ZNF227: variants seen among roughly 807,000 people sequenced by gnomAD.
ZNF227 encodes the protein zinc finger protein 227.
A neutral mutation model predicts 13.2 loss-of-function variants in ZNF227; 12 were observed. The observed-to-expected ratio is 0.91, with a 90% CI of 0.58 to 1.47. The LOEUF (loss-of-function observed/expected upper bound fraction) is 1.47. Among genes scored for constraint, ZNF227 ranks in the 40% most tolerant of loss-of-function variants. The pLI is 0.00. For synonymous variants in ZNF227, 338 were observed against 326.0 expected (o/e 1.04, Z -0.40); for missense variants, 885 against 967.5 (o/e 0.91, Z 1.13).
At chr19:44,228,348 T>C (rs1016937201) in intron 3 of ZNF227, 98 bp from the exon 4 acceptor site, 8 of 1,423,442 alleles carry the variant, frequency 5.6e-6, no homozygotes, top group Middle Eastern at 2.5e-4. Context: ...TTGGAATCTA[T>C]AACAACTTTT....
chr19:44,227,008 T>C (rs940878412), intron 3 of ZNF227: 4 of 152,140 alleles, frequency 2.6e-5, no homozygotes, highest in African/African-American at 7.2e-5. Flanking sequence ...CTTTGTAGTA[T>C]TGGTTATAAG....
chr19:44,230,926 A>AATATATATATAT (rs58952117), intron 5 of ZNF227, among the ~76,000 whole-genome samples: 34 of 68,088 alleles, frequency 5.0e-4, no homozygotes, highest in African/African-American at 3.2e-3. Flanking sequence ...AAAAAAAAAA[A>AATATATATATAT]ATATATATAT....
rs760225822 is a variant in ZNF227, at chr19:44,236,338, C to T, written c.1908C>T (p.Val636=). Residue 636 remains valine (V), a synonymous_variant, in exon 6 of 6, where the codon GTC becomes GTT. Transcript: ENST00000313040. ...GAGAGAAGCCATACAAATGTGGTGT[C>T]TGTGGTAAGGGCTTCAGTCAGTCCT... The part of the protein sequence containing the change: ...HTGEKPYKCG[V]CGKGFSQSSG... 3.7e-6 allele frequency: 6 copies of T among 1,608,644 alleles called. No homozygotes were observed. In the African/African-American group the frequency reaches 6.8e-5, roughly 18 times the overall value.
At chr19:44,223,872 G>A (rs1354180902) in intron 3 of ZNF227, among the ~76,000 whole-genome samples, 3 of 151,898 alleles carry the variant, frequency 2.0e-5, no homozygotes, top group Admixed American at 6.6e-5. Context: ...GTCAGTTTTG[G>A]ATCTTTCCTG....
chr19:44,207,644 G>A (rs1057154816), upstream of ZNF227: 2 of 152,354 alleles, frequency 1.3e-5, no homozygotes, highest in African/African-American at 4.8e-5. Flanking sequence ...GGAGCAAGCG[G>A]GGCCCTGGCC....
rs1041166817 is a variant in ZNF227 at position 44,217,922 on chromosome 19, C to T, written c.60+70C>T. 1.9e-6 allele frequency: 3 copies of T among 1,570,762 alleles called. No individual in the cohort carries two copies. The African/African-American group carries it at 4.1e-5, about 21-fold the overall frequency. Reference sequence around the variant, plus strand: ...CTCAAAGATAACAGATTTATTTTTTCTCTTTCTTGGAAAGGTTAGTGGGAA... The same window carrying T: ...CTCAAAGATAACAGATTTATTTTTTTTCTTTCTTGGAAAGGTTAGTGGGAA... On this transcript the variant is annotated intron_variant, in intron 3 of 5. Coordinates refer to ENST00000313040, the MANE Select transcript of ZNF227 (RefSeq NM_182490.3).
chr19:44,233,083 G>A (rs1974019974), intron 5 of ZNF227, among the ~76,000 whole-genome samples: 1 of 152,038 alleles, frequency 6.6e-6, no homozygotes, highest in Admixed American at 6.6e-5. Context: ...CCAGAAATGT[G>A]TAGACACCTG....
upstream of ZNF227, among the ~76,000 whole-genome samples, chr19:44,212,216 A>G (rs1306456775): frequency 6.6e-6 from 1 of 151,824 alleles, no homozygotes; most frequent in Non-Finnish European, 1.5e-5. Context: ...CTTTTTGTTA[A>G]TAAGAAAAAC....
chr19:44,227,660 T>C (rs1231897419), intron 3 of ZNF227, among the ~76,000 whole-genome samples: 1 of 152,202 alleles, frequency 6.6e-6, no homozygotes, highest in Non-Finnish European at 1.5e-5. Context: ...GAAGTGATCC[T>C]TCTGTGTCAG....
chr19:44,214,940 T>C (rs1013881602), intron 2 of ZNF227, among the ~76,000 whole-genome samples: 2 of 151,942 alleles, frequency 1.3e-5, no homozygotes, highest in African/African-American at 2.4e-5. Flanking sequence ...TCCTGCCAGA[T>C]CAGCAGGGGC....
At chr19:44,233,367 GT>G (rs1032336039) in intron 5 of ZNF227, among the ~76,000 whole-genome samples, 2 of 151,586 alleles carry the variant, frequency 1.3e-5, no homozygotes, top group Non-Finnish European at 2.9e-5. Flanking sequence ...TCTGTTTTTT[GT>G]TTTTTTGTCA....
At chr19:44,215,619 T>C (rs945882199) in intron 2 of ZNF227, among the ~76,000 whole-genome samples, 2 of 152,072 alleles carry the variant, frequency 1.3e-5, no homozygotes, top group Non-Finnish European at 2.9e-5. Flanking sequence ...TTAAAAATAT[T>C]CTCTTTCTTA....
rs1020083314 is a variant in ZNF227 at position 44,223,678 on chromosome 19, G to C, written c.61-4768G>C. ...CTTTTTTTCTTTATTAGTCTTGCTA[G>C]CGGTCTATCAATTTTGTTGATCTTT... On this transcript the variant is annotated intron_variant, in intron 3 of 5. Transcript: ENST00000313040. 1.1e-4 allele frequency among the ~76,000 whole-genome samples: 16 copies of C among 151,946 alleles called. No homozygotes were observed. The East Asian group carries it at 1.7e-3, about 16-fold the overall frequency.
intron 3 of ZNF227, among the ~76,000 whole-genome samples, chr19:44,218,835 A>G (rs532697747): frequency 1.3e-5 from 2 of 152,360 alleles, no homozygotes; most frequent in Admixed American, 6.5e-5. Flanking sequence ...CAGACAGAAC[A>G]AAAGAGTTTT....
In ZNF227 at chr19:44,234,888, T is replaced by C. The variant is rs766632765; in HGVS notation, c.458T>C (p.Ile153Thr). 4 of 1,613,128 alleles carry C rather than the reference T, an allele frequency of 2.5e-6. No homozygotes were observed. In the Admixed American group the frequency reaches 5.0e-5, roughly 20 times the overall value. The change falls in exon 6 of 6, where the codon ATA becomes ACA. Residue 153 changes from isoleucine (I) to threonine (T), a missense_variant. Physicochemically the swap from Ile to Thr is moderately conservative, Grantham distance 89. Coordinates refer to ENST00000313040, the MANE Select transcript of ZNF227 (RefSeq NM_182490.3). ...SIQVSENENN[I>T]MNPKGDSSIY... ...CAGGTTTCTGAAAATGAGAACAATA[T>C]AATGAACCCTAAAGGAGATAGCTCT...
chr19:44,212,374 T>TTG (rs1406095188), upstream of ZNF227, among the ~76,000 whole-genome samples: 1 of 103,636 alleles, frequency 9.6e-6, no homozygotes, highest in Non-Finnish European at 2.0e-5. Flanking sequence ...CCGTTTTTTT[T>TTG]TTTGTTTTTT....
Position 44,234,949 on chromosome 19 carries a change from A to G in ZNF227, c.519A>G (p.Arg173=). 6.2e-7 allele frequency: 1 copy of G among 1,613,816 alleles called. No individual in the cohort carries two copies. The highest frequency in any genetic ancestry group is 8.5e-7 in the Non-Finnish European group (1 of 1,179,946). The change falls in exon 6 of 6, where the codon AGA becomes AGG. Residue 173 remains arginine, a synonymous_variant. Transcript: ENST00000313040. ...AAAATCAAGAGTTTCCATTTTGGAG[A>G]ACCCAGCATTCTTGCGGGAATACAT... ...YIENQEFPFW[R]TQHSCGNTYL...
chr19:44,229,932 C>T (rs1973612296), intron 5 of ZNF227, 116 bp downstream of exon 5: 2 of 568,048 alleles, frequency 3.5e-6, no homozygotes, highest in African/African-American at 1.9e-5. Context: ...TGGATTATAA[C>T]AATAGCTTCC....
At position 44,235,416 on chromosome 19, in the gene ZNF227, G is replaced by A. The variant is rs376636093; in HGVS notation, c.986G>A (p.Cys329Tyr). 28 of 1,614,002 alleles carry A rather than the reference G, an allele frequency of 1.7e-5. No individual in the cohort carries two copies. The highest frequency in any genetic ancestry group is 2.4e-5 in the Non-Finnish European group (28 of 1,180,038). ...TGEKSYRCDS[C>Y]GKGFSSSTGL... ...GAGAAGTCTTATAGATGCGACAGTT[G>A]CGGCAAGGGATTCAGTAGCAGCACG... is the stretch of plus-strand genomic sequence containing the variant. Residue 329 changes from cysteine to tyrosine, a missense_variant, in exon 6 of 6, where the codon TGC becomes TAC. Transcript: ENST00000313040.
Sources: gnomAD v4.1 joint callset for allele counts (sites outside exome capture counted in the v4.1 genomes callset) on GRCh38, gnomAD v4.1.1 for gene constraint, MANE v1.5 for transcripts, NCBI Gene and HGNC (gene_info 2026-07-23, HGNC 2026-07-21) for gene names.